PCDHA3: variants seen among roughly 807,000 people sequenced by gnomAD.
PCDHA3 encodes protocadherin alpha 3.
Under a neutral mutation model 62.2 loss-of-function variants are expected in PCDHA3, and 41 were observed. That is an observed-to-expected ratio of 0.66 (90% CI 0.51 to 0.86). PCDHA3 has a LOEUF of 0.86. Ranked by LOEUF, PCDHA3 falls within the 40% of genes least tolerant of loss-of-function variation. The pLI is 0.00. For missense variants in PCDHA3, 1,304 were observed against 1,241.2 expected (o/e 1.05, Z -0.76); for synonymous variants, 640 against 555.4 (o/e 1.15, Z -2.14).
chr5:140,980,239 A>G (rs1453927657), intron 2 of PCDHA3, among the ~76,000 whole-genome samples: 1 of 152,230 alleles, frequency 6.6e-6, no homozygotes, highest in Non-Finnish European at 1.5e-5. Flanking sequence ...TGGTGGAGAC[A>G]TGCAATGGGT....
intron 1 of PCDHA3, chr5:140,829,699 C>T (rs61730774): frequency 1.2e-6 from 2 of 1,613,252 alleles, no homozygotes; most frequent in Non-Finnish European, 1.7e-6. Flanking sequence ...TTCAGGTGAG[C>T]GCGCGCGACG....
At chr5:140,876,637 C>G (rs1554168755) in intron 1 of PCDHA3, 1 of 1,614,088 alleles carries the variant, frequency 6.2e-7, no homozygotes, top group Non-Finnish European at 8.5e-7. Flanking sequence ...CATCTGCTCA[C>G]TGACACCTCA....
At chr5:140,857,294 A>G in intron 1 of PCDHA3, 2 of 1,598,576 alleles carry the variant, frequency 1.3e-6, no homozygotes, top group Non-Finnish European at 1.7e-6. Context: ...GGACCGCGAG[A>G]GGGTGTCGGC....
chr5:140,881,669 T>C (rs1030695213), intron 1 of PCDHA3, among the ~76,000 whole-genome samples: 17 of 152,248 alleles, frequency 1.1e-4, no homozygotes, highest in African/African-American at 4.1e-4. Context: ...TTTATTCTTA[T>C]GTGATTGTTA....
At chr5:141,002,907 A>T (rs1201381868) in intron 3 of PCDHA3, among the ~76,000 whole-genome samples, 1 of 152,210 alleles carries the variant, frequency 6.6e-6, no homozygotes, top group Non-Finnish European at 1.5e-5. Flanking sequence ...TGAAGAGAAG[A>T]TCAGAAAAGT....
At chr5:140,942,996 C>T (rs1294135098) in intron 1 of PCDHA3, among the ~76,000 whole-genome samples, 1 of 151,798 alleles carries the variant, frequency 6.6e-6, no homozygotes, top group South Asian at 2.1e-4. Context: ...GTGGCTCATG[C>T]CTGTAATCCC....
rs2150377192 is a variant in PCDHA3, at chr5:140,845,186, A to C, written c.2394+41595A>C. On this transcript the variant is annotated intron_variant, in intron 1 of 3. Transcript: ENST00000522353. ...TTGTTTTCATTTTAGTCCTTTAAAAAATATGATTGTTTTCATTTAAGTCCT... is the reference window on the plus strand; with the variant it reads ...TTGTTTTCATTTTAGTCCTTTAAAACATATGATTGTTTTCATTTAAGTCCT... 3.3e-5 allele frequency among the ~76,000 whole-genome samples: 5 copies of C among 149,420 alleles called. 1 individual carries two copies. The highest frequency in any genetic ancestry group is 7.5e-5 in the Non-Finnish European group (5 of 66,806).
intron 1 of PCDHA3, among the ~76,000 whole-genome samples, chr5:140,888,469 T>C (rs892080299): frequency 2.0e-5 from 3 of 152,230 alleles, no homozygotes; most frequent in South Asian, 4.1e-4. Flanking sequence ...AAAATGTCAG[T>C]AGTTCCACTG....
intron 1 of PCDHA3, chr5:140,834,674 G>T: frequency 3.7e-6 from 6 of 1,614,248 alleles, no homozygotes; most frequent in Non-Finnish European, 5.1e-6. Flanking sequence ...AGCTGTGCGG[G>T]CGGAGCGCGG....
chr5:140,968,823 A>G (rs569036779), intron 1 of PCDHA3: 3 of 1,614,192 alleles, frequency 1.9e-6, no homozygotes, highest in Non-Finnish European at 2.5e-6. Context: ...AGGGTTTCCA[A>G]AATCCTCCCT....
chr5:140,973,134 C>T (rs999970948), intron 1 of PCDHA3, among the ~76,000 whole-genome samples: 6 of 152,182 alleles, frequency 3.9e-5, no homozygotes, highest in Admixed American at 6.5e-5. Flanking sequence ...AGTTTGCATT[C>T]ACTTTCACTT....
chr5:140,966,862 G>T (rs782810195), intron 1 of PCDHA3: 1 of 1,562,198 alleles, frequency 6.4e-7, no homozygotes. Context: ...TGCTGCTGTT[G>T]CTGCTGCTGC....
At chr5:140,874,647 G>T (rs2055047919) in intron 1 of PCDHA3, among the ~76,000 whole-genome samples, 1 of 152,200 alleles carries the variant, frequency 6.6e-6, no homozygotes, top group Non-Finnish European at 1.5e-5. Context: ...ACTTTTGCTA[G>T]AGTAAAACTT....
intron 1 of PCDHA3, chr5:140,869,435 A>G (rs1554163053): frequency 6.2e-7 from 1 of 1,614,208 alleles, no homozygotes; most frequent in Admixed American, 1.7e-5. Context: ...GTGATCGTGG[A>G]CAGGCCGCTG....
intron 1 of PCDHA3, chr5:140,807,515 G>A (rs1554124060): frequency 6.8e-6 from 11 of 1,613,912 alleles, no homozygotes; most frequent in Non-Finnish European, 9.3e-6. Flanking sequence ...GGAGGTGATC[G>A]TAGACAGGCC....
At chr5:140,906,757 A>G (rs554698266) in intron 1 of PCDHA3, among the ~76,000 whole-genome samples, 2 of 152,346 alleles carry the variant, frequency 1.3e-5, no homozygotes, top group South Asian at 4.1e-4. Flanking sequence ...GCATGGTAAT[A>G]CTAAGAGACA....
chr5:140,918,625 C>T (rs1365715302), intron 1 of PCDHA3, among the ~76,000 whole-genome samples: 2 of 152,086 alleles, frequency 1.3e-5, no homozygotes, highest in Non-Finnish European at 2.9e-5. Context: ...TTTGTGTTCC[C>T]CAAATTCATA....
chr5:140,805,130 C>A (rs1554123281), intron 1 of PCDHA3: 1 of 1,579,476 alleles, frequency 6.3e-7, no homozygotes, highest in Non-Finnish European at 8.6e-7. Flanking sequence ...TTGGCAAAGA[C>A]ATTTTGAAGA....
In PCDHA3 at chr5:140,849,965, G is replaced by A. The variant is rs782084624; in HGVS notation, c.2394+46374G>A. Reference sequence around the variant, plus strand: ...CTGACGCGCAGGAGAACGCCCTGGTGTCCTACTCGCTGGTGGAGCGGCGGT... The same window carrying A: ...CTGACGCGCAGGAGAACGCCCTGGTATCCTACTCGCTGGTGGAGCGGCGGT... On this transcript the variant is annotated intron_variant, in intron 1 of 3. Coordinates refer to ENST00000522353, the MANE Select transcript of PCDHA3 (RefSeq NM_018906.3). The A allele has an allele frequency of 1.0e-5, 16 of 1,597,766 alleles. 2 individuals are homozygous for A. Among genetic ancestry groups the A allele is most frequent in the Non-Finnish European group, 1.3e-5 (15 of 1,167,924 alleles).
Sources: gnomAD v4.1 joint callset for allele counts (sites outside exome capture counted in the v4.1 genomes callset) on GRCh38, gnomAD v4.1.1 for gene constraint, MANE v1.5 for transcripts, NCBI Gene and HGNC (gene_info 2026-07-23, HGNC 2026-07-21) for gene names.